IPCEF1: variants seen among roughly 807,000 people sequenced by gnomAD.
IPCEF1 encodes the protein interaction protein for cytohesin exchange factors 1, also known as interactor protein for cytohesin exchange factors 1.
Under a neutral mutation model 50.9 loss-of-function variants are expected in IPCEF1, and 31 were observed. The ratio of observed to expected loss-of-function variants is 0.61; its 90% confidence interval spans 0.46 to 0.82. IPCEF1 has a LOEUF of 0.82. IPCEF1 is among the 40% of genes least tolerant of loss of function. The probability of loss-of-function intolerance (pLI) is 0.00; values close to 1 mark genes in which losing one functional copy is unlikely to be tolerated. For synonymous variants in IPCEF1, 181 were observed against 192.0 expected (o/e 0.94, Z 0.47); for missense variants, 458 against 514.0 (o/e 0.89, Z 1.05).
At chr6:154,294,267 C>T (rs1782582623) in intron 1 of IPCEF1, among the ~76,000 whole-genome samples, 1 of 152,146 alleles carries the variant, frequency 6.6e-6, no homozygotes, top group Non-Finnish European at 1.5e-5. Context: ...TCCTAAGAAG[C>T]AATTTATCTG....
chr6:154,192,491 G>T (rs1583758371), intron 10 of IPCEF1, among the ~76,000 whole-genome samples: 1 of 152,014 alleles, frequency 6.6e-6, no homozygotes, highest in Non-Finnish European at 1.5e-5. Context: ...GTCATGAAAA[G>T]AAATGGAAAA....
intron 2 of IPCEF1, among the ~76,000 whole-genome samples, chr6:154,272,864 A>G (rs1781932518): frequency 6.6e-6 from 1 of 152,220 alleles, no homozygotes; most frequent in Non-Finnish European, 1.5e-5. Flanking sequence ...TAGCATAATC[A>G]GTATTTTTTT....
intron 1 of IPCEF1, among the ~76,000 whole-genome samples, chr6:154,315,835 G>C (rs977101639): frequency 3.3e-5 from 5 of 151,934 alleles, no homozygotes; most frequent in South Asian, 2.1e-4. Context: ...TTTTTTTTGG[G>C]GGGGAGCGGT....
chr6:154,235,897 G>T (rs1226250536), intron 5 of IPCEF1, among the ~76,000 whole-genome samples: 1 of 152,194 alleles, frequency 6.6e-6, no homozygotes, highest in South Asian at 2.1e-4. Context: ...TTAATTAAGT[G>T]ACAAGCACTG....
At chr6:154,224,831 G>T (rs1315533502) in intron 5 of IPCEF1, among the ~76,000 whole-genome samples, 2 of 152,126 alleles carry the variant, frequency 1.3e-5, no homozygotes, top group Non-Finnish European at 2.9e-5. Flanking sequence ...TCATTCATAT[G>T]TATATTATAT....
rs559278882 is a variant in IPCEF1 at position 154,171,536 on chromosome 6, A to C, written c.911-3423T>G. On this transcript the variant is annotated intron_variant, in intron 10 of 11. Transcript: ENST00000367220. ...CTTTTTGTGATGCTGAAATGTTCCAAAATTAGATTGTGATGACAGCTGCAC... is the reference window on the plus strand; with the variant it reads ...CTTTTTGTGATGCTGAAATGTTCCACAATTAGATTGTGATGACAGCTGCAC... 5.8e-3 allele frequency among the ~76,000 whole-genome samples: 879 copies of C among 152,338 alleles called. 11 individuals carry two copies. The highest frequency in any genetic ancestry group is 0.021 in the African/African-American group (853 of 41,566).
intron 1 of IPCEF1, among the ~76,000 whole-genome samples, chr6:154,354,766 C>T (rs1173610077): frequency 1.3e-5 from 2 of 152,122 alleles, no homozygotes. Flanking sequence ...ATTCTCCTCT[C>T]CTCCTCCACT....
chr6:154,351,507 A>G (rs916500051), intron 1 of IPCEF1, among the ~76,000 whole-genome samples: 1 of 152,252 alleles, frequency 6.6e-6, no homozygotes, highest in Non-Finnish European at 1.5e-5. Flanking sequence ...ACTAAGGAAT[A>G]GAAAAGAATT....
At chr6:154,248,306 C>CGTGTGTGTGT (rs58415100) in intron 3 of IPCEF1, among the ~76,000 whole-genome samples, 11,331 of 147,242 alleles carry the variant, frequency 0.077, 468 homozygotes, top group Middle Eastern at 0.14. Context: ...CTTTAAAATA[C>CGTGTGTGTGT]GTGTGTGTGT....
chr6:154,353,478 G>A (rs1487922035), intron 1 of IPCEF1, among the ~76,000 whole-genome samples: 1 of 151,996 alleles, frequency 6.6e-6, no homozygotes, highest in East Asian at 1.9e-4. Context: ...GTAGAAACAG[G>A]GTTTCGCCAT....
At chr6:154,341,469 A>G (rs991147497) in intron 1 of IPCEF1, among the ~76,000 whole-genome samples, 2 of 152,242 alleles carry the variant, frequency 1.3e-5, no homozygotes, top group Non-Finnish European at 2.9e-5. Context: ...TGCTGAATCC[A>G]GAAAGATTAG....
chr6:154,266,530 A>C (rs1781757694), intron 2 of IPCEF1, among the ~76,000 whole-genome samples: 1 of 148,400 alleles, frequency 6.7e-6, no homozygotes, highest in African/African-American at 2.5e-5. Flanking sequence ...ACTCAGCAAG[A>C]CATGTATATG....
At chr6:154,332,357 GT>G (rs1783693392) in intron 1 of IPCEF1, among the ~76,000 whole-genome samples, 4 of 147,112 alleles carry the variant, frequency 2.7e-5, no homozygotes, top group South Asian at 2.3e-4. Flanking sequence ...TGGTCTCAAA[GT>G]CTGCCAGGAT....
intron 7 of IPCEF1, among the ~76,000 whole-genome samples, chr6:154,220,856 AC>A (rs1182392262): frequency 6.6e-6 from 1 of 152,264 alleles, no homozygotes; most frequent in Non-Finnish European, 1.5e-5. Flanking sequence ...GGTGATAAAT[AC>A]GTGAATCATC....
At position 154,285,395 on chromosome 6, in the gene IPCEF1, A is replaced by G. The variant is rs374659022; in HGVS notation, c.-18+4318T>C. On this transcript the variant is annotated intron_variant, in intron 2 of 11. Coordinates refer to ENST00000367220, the MANE Select transcript of IPCEF1 (RefSeq NM_001130700.2). Reference sequence around the variant, plus strand: ...CCCTATTCATTGTGGAAATAATCTCAAAAGATTTAGAGATTTTCAGTTAGT... The same window carrying G: ...CCCTATTCATTGTGGAAATAATCTCGAAAGATTTAGAGATTTTCAGTTAGT... Among the ~76,000 whole-genome samples the G allele has an allele frequency of 3.3e-5, 5 of 152,226 alleles. No homozygotes were observed. In the East Asian group the frequency reaches 7.7e-4, roughly 23 times the overall value.
chr6:154,354,491 CCGTCACT>C (rs1418101046), intron 1 of IPCEF1, among the ~76,000 whole-genome samples: 2,472 of 144,186 alleles, frequency 0.017, no homozygotes, highest in African/African-American at 0.032. Flanking sequence ...ACCATCTCTA[CCGTCACT>C]TCCACCATCA....
chr6:154,165,284 C>T (rs894687026), intron 11 of IPCEF1, among the ~76,000 whole-genome samples: 1 of 152,158 alleles, frequency 6.6e-6, no homozygotes, highest in Non-Finnish European at 1.5e-5. Flanking sequence ...CCATTCACAT[C>T]CCCTCTCAGT....
At chr6:154,342,807 A>T (rs1458740876) in intron 1 of IPCEF1, among the ~76,000 whole-genome samples, 1 of 152,098 alleles carries the variant, frequency 6.6e-6, no homozygotes, top group Non-Finnish European at 1.5e-5. Flanking sequence ...CCTCCTAAAT[A>T]TCTCTTCAGA....
chr6:154,198,301 AC>A (rs1188464806), intron 10 of IPCEF1, among the ~76,000 whole-genome samples: 2 of 152,034 alleles, frequency 1.3e-5, no homozygotes, highest in Admixed American at 6.6e-5. Context: ...CAACTCACAA[AC>A]CTGAGGGCGG....
Sources: allele counts gnomAD v4.1 joint callset (sites outside exome capture counted in the v4.1 genomes callset), GRCh38; gene constraint gnomAD v4.1.1; transcripts MANE v1.5; gene names NCBI Gene and HGNC (gene_info 2026-07-23, HGNC 2026-07-21).